Variants in PLXDC2 observed in about 807,000 individuals in gnomAD.
PLXDC2 encodes the protein plexin domain containing 2.
A neutral mutation model predicts 68.9 loss-of-function variants in PLXDC2; 40 were observed. That is an observed-to-expected ratio of 0.58 (90% confidence interval 0.45 to 0.76). The LOEUF is 0.76. Among genes scored for constraint, PLXDC2 ranks in the 30% least tolerant of loss-of-function variants. PLXDC2 has a pLI of 0.00. For missense variants in PLXDC2, 644 were observed against 661.9 expected (o/e 0.97, Z 0.30); for synonymous variants, 243 against 234.2 (o/e 1.04, Z -0.34).
chr10:19,935,746 A>G (rs1267461020), intron 1 of PLXDC2, among the ~76,000 whole-genome samples: 1 of 152,202 alleles, frequency 6.6e-6, no homozygotes, highest in Non-Finnish European at 1.5e-5. Flanking sequence ...AAACCCATAA[A>G]CAGAGTCATA....
intron 1 of PLXDC2, among the ~76,000 whole-genome samples, chr10:19,874,510 A>G (rs1325722157): frequency 6.6e-6 from 1 of 152,204 alleles, no homozygotes; most frequent in Non-Finnish European, 1.5e-5. Context: ...TAGGAATTGC[A>G]AAAGTAGGAT....
At chr10:19,826,823 A>G (rs753890566) in intron 1 of PLXDC2, among the ~76,000 whole-genome samples, 5 of 152,204 alleles carry the variant, frequency 3.3e-5, no homozygotes, top group Non-Finnish European at 7.3e-5. Context: ...TAGCTCCTGT[A>G]TCAGAATCTT....
At chr10:20,176,976 A>G in intron 7 of PLXDC2, 23 bp from the exon 8 acceptor site, 2 of 1,534,618 alleles carry the variant, frequency 1.3e-6, no homozygotes, top group Non-Finnish European at 1.8e-6. Context: ...TTAAAAATTG[A>G]TTTTTTTTCC....
chr10:20,154,653 T>A (rs1383781074), intron 6 of PLXDC2, among the ~76,000 whole-genome samples: 2 of 152,098 alleles, frequency 1.3e-5, no homozygotes, highest in Non-Finnish European at 2.9e-5. Flanking sequence ...AGGATACTCT[T>A]ACTTTGTAGA....
At chr10:19,839,331 C>T (rs1011695126) in intron 1 of PLXDC2, among the ~76,000 whole-genome samples, 13 of 152,148 alleles carry the variant, frequency 8.5e-5, no homozygotes, top group Non-Finnish European at 1.9e-4. Context: ...AACACAAATT[C>T]GTAAACATTC....
chr10:20,141,830 A>G (rs1834010785), intron 4 of PLXDC2, among the ~76,000 whole-genome samples: 1 of 152,062 alleles, frequency 6.6e-6, no homozygotes, highest in African/African-American at 2.4e-5. Context: ...CAAATGTACA[A>G]AATTCTGCTT....
intron 4 of PLXDC2, among the ~76,000 whole-genome samples, chr10:20,121,513 G>A (rs1833697284): frequency 6.6e-6 from 1 of 152,190 alleles, no homozygotes; most frequent in Non-Finnish European, 1.5e-5. Flanking sequence ...GAAGTAATGG[G>A]GGCTGTCTGT....
At chr10:20,252,652 T>C (rs1835693509) in intron 13 of PLXDC2, among the ~76,000 whole-genome samples, 2 of 152,220 alleles carry the variant, frequency 1.3e-5, no homozygotes. Flanking sequence ...CACTCATTCA[T>C]GTGTTTAATA....
At chr10:19,922,052 T>G (rs542523106) in intron 1 of PLXDC2, among the ~76,000 whole-genome samples, 1 of 152,186 alleles carries the variant, frequency 6.6e-6, no homozygotes, top group South Asian at 2.1e-4. Flanking sequence ...AGAGACGAGG[T>G]TTCACCTTGT....
chr10:19,915,409 T>C (rs1483131500), intron 1 of PLXDC2, among the ~76,000 whole-genome samples: 2 of 152,322 alleles, frequency 1.3e-5, no homozygotes, highest in East Asian at 1.9e-4. Context: ...ATTTAAGATG[T>C]TTTAGCCATC....
chr10:20,237,029 G>C (rs2681938), intron 12 of PLXDC2, among the ~76,000 whole-genome samples: 130,688 of 151,248 alleles, frequency 0.86, 57,044 homozygotes, highest in Middle Eastern at 0.95. Context: ...TAGTCATCCT[G>C]TAAGATCTTC....
chr10:19,967,042 A>G (rs539437388), intron 1 of PLXDC2, among the ~76,000 whole-genome samples: 27 of 152,324 alleles, frequency 1.8e-4, no homozygotes, highest in Middle Eastern at 6.8e-3. Flanking sequence ...GACTTGTTTT[A>G]TGGCACAGAT....
Position 20,132,704 on chromosome 10 carries a change from T to A in PLXDC2, c.542-10591T>A, listed in dbSNP as rs538417572. Among the ~76,000 whole-genome samples, 13 of 152,164 alleles carry A rather than the reference T, an allele frequency of 8.5e-5. No individual in the cohort carries two copies. The South Asian group carries it at 2.7e-3, about 32-fold the overall frequency. On this transcript the variant is annotated intron_variant, in intron 4 of 13. Coordinates refer to ENST00000377252, the MANE Select transcript of PLXDC2 (RefSeq NM_032812.9). ...GGACTATCTTTTTCCATCCTTTCAC[T>A]TTCAGCATATGAGTGTCCTTAAAGC...
At chr10:20,089,920 G>A (rs991131174) in intron 4 of PLXDC2, among the ~76,000 whole-genome samples, 15 of 152,178 alleles carry the variant, frequency 9.9e-5, no homozygotes, top group Non-Finnish European at 1.9e-4. Context: ...TTGTAAGGAT[G>A]ACATGACCGT....
chr10:20,251,020 A>G (rs1835668482), intron 13 of PLXDC2, among the ~76,000 whole-genome samples: 1 of 152,210 alleles, frequency 6.6e-6, no homozygotes, highest in East Asian at 1.9e-4. Flanking sequence ...GAGATAATTA[A>G]GCAAATCATC....
At chr10:20,114,077 T>C (rs981105751) in intron 4 of PLXDC2, among the ~76,000 whole-genome samples, 4 of 152,200 alleles carry the variant, frequency 2.6e-5, no homozygotes, top group African/African-American at 7.2e-5. Flanking sequence ...TGAGCCGAGA[T>C]TGTGCCACTG....
At chr10:20,044,224 TCTTTC>T (rs1169184631) in intron 2 of PLXDC2, among the ~76,000 whole-genome samples, 1 of 34,244 alleles carries the variant, frequency 2.9e-5, no homozygotes, top group Admixed American at 3.2e-4. Flanking sequence ...TTTCTTTCTT[TCTTTC>T]TTTCTTTCTT....
chr10:20,131,938 T>G (rs1833873148), intron 4 of PLXDC2, among the ~76,000 whole-genome samples: 1 of 151,894 alleles, frequency 6.6e-6, no homozygotes, highest in African/African-American at 2.4e-5. Context: ...TCATATTAGG[T>G]TGCTTTTATG....
intron 1 of PLXDC2, among the ~76,000 whole-genome samples, chr10:20,000,825 A>G (rs1834922999): frequency 6.6e-6 from 1 of 152,132 alleles, no homozygotes; most frequent in Non-Finnish European, 1.5e-5. Context: ...TTTGGAACCC[A>G]TATCTTGCCA....
Sources: gnomAD v4.1 joint callset for allele counts (sites outside exome capture counted in the v4.1 genomes callset) on GRCh38, gnomAD v4.1.1 for gene constraint, MANE v1.5 for transcripts, NCBI Gene and HGNC (gene_info 2026-07-23, HGNC 2026-07-21) for gene names.